JMJD1C: variants seen among roughly 807,000 people sequenced by gnomAD.
JMJD1C encodes the protein jumonji domain containing 1C, also known as jumonji domain-containing protein 1C.
JMJD1C carries 31 observed loss-of-function variants against 245.3 expected under a neutral mutation model. That is an observed-to-expected ratio of 0.13 (90% CI 0.09 to 0.17). JMJD1C has a LOEUF of 0.17. Among genes scored for constraint, JMJD1C ranks in the 10% least tolerant of loss-of-function variants. JMJD1C has a pLI of 1.00. For synonymous variants in JMJD1C, 1,057 were observed against 1,017.4 expected (o/e 1.04, Z -0.74); for missense variants, 2,691 against 3,000.2 (o/e 0.90, Z 2.41).
intron 2 of JMJD1C, among the ~76,000 whole-genome samples, chr10:63,339,768 A>G (rs945723081): frequency 6.6e-6 from 1 of 152,262 alleles, no homozygotes. Context: ...TCTACTAAAA[A>G]TACAAAAATT....
chr10:63,187,984 T>C (rs1213459029), intron 18 of JMJD1C, among the ~76,000 whole-genome samples: 2 of 152,192 alleles, frequency 1.3e-5, no homozygotes, highest in East Asian at 3.9e-4. Context: ...ATATTGCAGA[T>C]AATCACACCT....
intron 2 of JMJD1C, among the ~76,000 whole-genome samples, chr10:63,362,759 G>A (rs1402348880): frequency 6.6e-6 from 1 of 152,062 alleles, no homozygotes; most frequent in African/African-American, 2.4e-5. Flanking sequence ...GGGATTACAG[G>A]CATGAGCCAT....
At position 63,203,825 on chromosome 10, in the gene JMJD1C, T is replaced by A. The variant is rs1305914348; in HGVS notation, c.5074+2770A>T. Reference sequence around the variant, plus strand: ...TATACATGTATAACGGTGTATGTAATCATATTACATAGTTTAGGTGTAAGC... The same window carrying A: ...TATACATGTATAACGGTGTATGTAAACATATTACATAGTTTAGGTGTAAGC... On this transcript the variant is annotated intron_variant, in intron 10 of 25. Coordinates refer to ENST00000399262, the MANE Select transcript of JMJD1C (RefSeq NM_032776.3). 8 of 976,508 alleles carry A rather than the reference T, an allele frequency of 8.2e-6. No individual in the cohort carries two copies. In the African/African-American group the frequency reaches 1.4e-4, roughly 17 times the overall value. 60.5% of individuals were successfully genotyped at this position (976,508 alleles called of 1,614,324 possible). A position where few individuals can be genotyped will look rare whatever the true frequency, so the allele number is the denominator to read the frequency against.
In JMJD1C at chr10:63,380,421, T is replaced by C. The variant is rs1947121914; in HGVS notation, c.230A>G (p.Asp77Gly). 1 of 1,613,722 alleles carries C rather than the reference T, an allele frequency of 6.2e-7. No homozygotes were observed. Among genetic ancestry groups the C allele is most frequent in the South Asian group, 1.1e-5 (1 of 91,064 alleles). The change falls in exon 2 of 26, where the codon GAT (aspartate) becomes GGT (glycine). Residue 77 changes from aspartate (D) to glycine (G), a missense_variant. Coordinates refer to ENST00000399262, the MANE Select transcript of JMJD1C (RefSeq NM_032776.3). ...GTATTCCACCAAGAAAGTTGAAAAA[T>C]CTTCATAAACTTTAACCCACTCTCG... is the stretch of plus-strand genomic sequence containing the variant. The part of the protein sequence containing the change: ...DKREWVKVYE[D>G]FSTFLVEYHL...
chr10:63,431,576 C>T (rs757073656), intron 1 of JMJD1C, among the ~76,000 whole-genome samples: 15 of 152,080 alleles, frequency 9.9e-5, no homozygotes, highest in African/African-American at 3.4e-4. Flanking sequence ...AAGACAGAGA[C>T]GATAATATGA....
Position 63,245,806 on chromosome 10 carries a change from C to A in JMJD1C, c.447+18845G>T, listed in dbSNP as rs192149849. Among the ~76,000 whole-genome samples, 7 of 152,284 alleles carry A rather than the reference C, an allele frequency of 4.6e-5. No homozygotes were observed. The East Asian group carries it at 1.4e-3, about 30-fold the overall frequency. The stretch of plus-strand genomic sequence containing the variant: ...CGGGAACTCCTCTCTTTAAAGCCAT[C>A]AGATCTCGTGAGACTTATTCACTAT... On this transcript the variant is annotated intron_variant, in intron 3 of 25. Transcript: ENST00000399262.
chr10:63,393,201 G>A (rs1000592148), intron 1 of JMJD1C, among the ~76,000 whole-genome samples: 1 of 152,156 alleles, frequency 6.6e-6, no homozygotes, highest in South Asian at 2.1e-4. Flanking sequence ...CTGAGTTGAT[G>A]AGGCTGAAGT....
intron 20 of JMJD1C, among the ~76,000 whole-genome samples, chr10:63,185,129 T>C (rs1843976266): frequency 1.3e-5 from 2 of 152,078 alleles, no homozygotes; most frequent in South Asian, 4.1e-4. Context: ...CCAACTCAGT[T>C]TTGCTATCAA....
intron 1 of JMJD1C, among the ~76,000 whole-genome samples, chr10:63,428,686 G>C (rs1178091632): frequency 1.3e-5 from 2 of 151,372 alleles, no homozygotes; most frequent in African/African-American, 4.9e-5. Context: ...AGAAAATTAA[G>C]AACAATGAAA....
rs896473194 is a variant in JMJD1C at position 63,207,045 on chromosome 10, T to A, written c.4624A>T (p.Ser1542Cys). Residue 1542 changes from serine to cysteine, a missense_variant, in exon 10 of 26, where the codon AGT becomes TGT. Ser to Cys is a moderately radical substitution (Grantham distance 112). This residue lies in a region of JMJD1C where 1,562 missense variants were observed against 1,490.7 expected (regional missense o/e 1.05). Transcript: ENST00000399262. ...AGTTTAGTATGGTAGTTTGGTTGAC[T>A]TGTCTGGGAAGCTTGCCCATTTCCT... is the stretch of plus-strand genomic sequence containing the variant. ...SVGNGQASQT[S>C]QPNYHTKLKK... 1 of 1,614,190 alleles carries A rather than the reference T, an allele frequency of 6.2e-7. No individual in the cohort carries two copies. Among genetic ancestry groups the A allele is most frequent in the Non-Finnish European group, 8.5e-7 (1 of 1,180,022 alleles).
rs368012397 is a variant in JMJD1C, at chr10:63,189,064, C to T, written c.6570+104G>A. ...TCTTATTGTCCCCCAAATGTGTTAA[C>T]CACTATTTTTCCCCCCTCCATTTCT... is the stretch of plus-strand genomic sequence containing the variant. On this transcript the variant is annotated intron_variant, in intron 18 of 25. Coordinates refer to ENST00000399262, the MANE Select transcript of JMJD1C (RefSeq NM_032776.3). 2.4e-4 allele frequency: 216 copies of T among 917,272 alleles called. 2 individuals are homozygous for T. The South Asian group carries it at 3.9e-3, about 17-fold the overall frequency. 56.8% of individuals were successfully genotyped at this position (917,272 alleles called of 1,614,324 possible). A position where few individuals can be genotyped will look rare whatever the true frequency, so the allele number is the denominator to read the frequency against.
At chr10:63,171,093 T>C (rs1222176106) in intron 24 of JMJD1C, among the ~76,000 whole-genome samples, 2 of 152,142 alleles carry the variant, frequency 1.3e-5, no homozygotes, top group African/African-American at 2.4e-5. Flanking sequence ...ATTACAACTT[T>C]ACAATTTTCT....
chr10:63,326,427 A>AAT (rs1324144614), intron 2 of JMJD1C, among the ~76,000 whole-genome samples: 1 of 143,678 alleles, frequency 7.0e-6, no homozygotes, highest in African/African-American at 2.6e-5. Context: ...TAAATAAATA[A>AAT]AGATAATAAA....
intron 1 of JMJD1C, among the ~76,000 whole-genome samples, chr10:63,421,378 A>C (rs1368867953): frequency 6.6e-6 from 1 of 152,174 alleles, no homozygotes; most frequent in Non-Finnish European, 1.5e-5. Context: ...ATATAGAGCA[A>C]AGCAAGAAAA....
chr10:63,231,131 C>T (rs1849932842), intron 3 of JMJD1C, among the ~76,000 whole-genome samples: 1 of 152,110 alleles, frequency 6.6e-6, no homozygotes, highest in Non-Finnish European at 1.5e-5. Context: ...TACACACCAA[C>T]ACTCCCCCCT....
upstream of JMJD1C, among the ~76,000 whole-genome samples, chr10:63,466,875 C>T: frequency 6.6e-6 from 1 of 152,312 alleles, no homozygotes; most frequent in East Asian, 1.9e-4. Context: ...CTTTGATCAA[C>T]TTATTTGTTA....
chr10:63,463,840 A>C (rs1429186481), intron 1 of JMJD1C, among the ~76,000 whole-genome samples: 1 of 152,180 alleles, frequency 6.6e-6, no homozygotes, highest in Non-Finnish European at 1.5e-5. Context: ...AGAAACTCCT[A>C]TTCTTTCCAG....
chr10:63,462,599 CA>C (rs1952872804), intron 1 of JMJD1C, among the ~76,000 whole-genome samples: 3 of 152,198 alleles, frequency 2.0e-5, no homozygotes, highest in Non-Finnish European at 4.4e-5. Flanking sequence ...AGGGCACTTA[CA>C]AGTGTAATGG....
At chr10:63,301,410 G>A (rs1304645738) in intron 2 of JMJD1C, among the ~76,000 whole-genome samples, 1 of 152,198 alleles carries the variant, frequency 6.6e-6, no homozygotes, top group Admixed American at 6.5e-5. Flanking sequence ...AGTACACCTA[G>A]TTTATCACAC....
Sources: gnomAD v4.1 joint callset for allele counts (sites outside exome capture counted in the v4.1 genomes callset) on GRCh38, gnomAD v4.1.1 for gene constraint, gnomAD v4.1.1 regional missense constraint, MANE v1.5 for transcripts, NCBI Gene and HGNC (gene_info 2026-07-23, HGNC 2026-07-21) for gene names.